The following PRKCE variants were observed in gnomAD, a reference collection of about 807,000 sequenced individuals.
PRKCE encodes protein kinase C epsilon type.
Under a neutral mutation model 85.4 loss-of-function variants are expected in PRKCE, and 16 were observed. That is an observed-to-expected ratio of 0.19 (90% CI 0.13 to 0.28). PRKCE has a LOEUF of 0.28. PRKCE is among the 10% of genes least tolerant of loss of function. The pLI is 1.00. For missense variants in PRKCE, 573 were observed against 975.2 expected (o/e 0.59, Z 5.49); for synonymous variants, 388 against 371.5 (o/e 1.04, Z -0.51).
At chr2:46,114,002 A>T (rs1234360275) in intron 11 of PRKCE, among the ~76,000 whole-genome samples, 1 of 152,056 alleles carries the variant, frequency 6.6e-6, no homozygotes, top group Non-Finnish European at 1.5e-5. Context: ...TATTTTTGTT[A>T]TCTGACTCTG....
At chr2:46,008,338 A>G (rs1458944298) in intron 9 of PRKCE, among the ~76,000 whole-genome samples, 1 of 152,184 alleles carries the variant, frequency 6.6e-6, no homozygotes, top group Non-Finnish European at 1.5e-5. Context: ...GTGATCAGCC[A>G]CCATTCCGAT....
intron 6 of PRKCE, among the ~76,000 whole-genome samples, chr2:45,992,956 G>A (rs922269094): frequency 3.3e-5 from 5 of 152,184 alleles, no homozygotes; most frequent in South Asian, 2.1e-4. Flanking sequence ...GTAGAAGAGC[G>A]CTTCTCTTTT....
At chr2:45,986,317 A>G (rs528646083) in intron 6 of PRKCE, among the ~76,000 whole-genome samples, 3 of 152,224 alleles carry the variant, frequency 2.0e-5, no homozygotes, top group South Asian at 2.1e-4. Flanking sequence ...ATAGAGGGAG[A>G]TGTTTTTTCA....
At position 45,931,611 on chromosome 2, in the gene PRKCE, C is replaced by G. The variant is rs562732424; in HGVS notation, c.413-44818C>G. Among the ~76,000 whole-genome samples, 5 of 152,316 alleles carry G rather than the reference C, an allele frequency of 3.3e-5. No homozygotes were observed. The South Asian group carries it at 1.0e-3, about 32-fold the overall frequency. ...GTTCCAAATGTTCTATAATTGAATA[C>G]TTTGTATGCAATGCTGCGTATGACT... On this transcript the variant is annotated intron_variant, in intron 2 of 14. Transcript: ENST00000306156.
At chr2:45,794,972 T>C (rs752936162) in intron 1 of PRKCE, among the ~76,000 whole-genome samples, 3 of 152,008 alleles carry the variant, frequency 2.0e-5, no homozygotes, top group African/African-American at 4.8e-5. Context: ...TCTGCTGTTG[T>C]TGGTTTGTTG....
At chr2:45,713,435 G>T (rs1679833802) in intron 1 of PRKCE, among the ~76,000 whole-genome samples, 1 of 152,110 alleles carries the variant, frequency 6.6e-6, no homozygotes. Flanking sequence ...TCTTCCTTCT[G>T]TGTTACTGAT....
intron 11 of PRKCE, among the ~76,000 whole-genome samples, chr2:46,089,493 C>T (rs1288208710): frequency 6.6e-6 from 1 of 152,194 alleles, no homozygotes; most frequent in Non-Finnish European, 1.5e-5. Context: ...GCCCACAATT[C>T]TTCTAAAACA....
chr2:46,152,480 C>G (rs1205204901), intron 13 of PRKCE, among the ~76,000 whole-genome samples: 1 of 152,054 alleles, frequency 6.6e-6, no homozygotes, highest in East Asian at 1.9e-4. Context: ...CTGCGCCCAG[C>G]CTGTATTTTA....
rs187120774 is a variant in PRKCE at position 45,937,237 on chromosome 2, T to A, written c.413-39192T>A. Among the ~76,000 whole-genome samples the A allele has an allele frequency of 9.8e-4, 149 of 152,324 alleles. 1 individual carries two copies. Among genetic ancestry groups the A allele is most frequent in the African/African-American group, 2.9e-3 (120 of 41,576 alleles). ...TTAAATAAAAAAAAATTGGGGAGAT[T>A]ATAGCAGAAGCTGTTGGTGTCCCGG... On this transcript the variant is annotated intron_variant, in intron 2 of 14. Coordinates refer to ENST00000306156, the MANE Select transcript of PRKCE (RefSeq NM_005400.3).
chr2:45,677,797 A>G, intron 1 of PRKCE: 1 of 974,642 alleles, frequency 1.0e-6, no homozygotes, highest in Non-Finnish European at 1.2e-6. Flanking sequence ...TTAAAAGGCA[A>G]TTGCTTTAGA....
chr2:45,767,237 C>T (rs79760886), intron 1 of PRKCE, among the ~76,000 whole-genome samples: 4,055 of 152,076 alleles, frequency 0.027, 181 homozygotes, highest in African/African-American at 0.094. Context: ...GGAATTAGCC[C>T]AACCCTCTAA....
At chr2:45,936,725 G>A (rs917122894) in intron 2 of PRKCE, among the ~76,000 whole-genome samples, 2 of 152,130 alleles carry the variant, frequency 1.3e-5, no homozygotes, top group South Asian at 2.1e-4. Flanking sequence ...ACAGTTAAGC[G>A]CCTTAAGGCC....
intron 11 of PRKCE, among the ~76,000 whole-genome samples, chr2:46,107,930 T>C (rs1251780887): frequency 6.6e-6 from 1 of 151,902 alleles, no homozygotes; most frequent in Non-Finnish European, 1.5e-5. Context: ...AGGGTTTTGT[T>C]TTTGTTTTTG....
chr2:46,082,859 A>G (rs921945984), intron 10 of PRKCE, among the ~76,000 whole-genome samples: 25 of 152,258 alleles, frequency 1.6e-4, no homozygotes, highest in African/African-American at 5.8e-4. Context: ...CTATAGCAAC[A>G]GTCATAGCCA....
chr2:45,652,546 G>A lies in PRKCE; in HGVS notation c.348+98G>A. ...TCGTAGGGCTCCGGGACTTATTGAC[G>A]ACTGGGGTGTGTGTGCCTGTAAGTC... On this transcript the variant is annotated intron_variant, in intron 1 of 14. Transcript: ENST00000306156. This position sits in a 1 kb window ranked among gnomAD's most constrained non-coding sequence, Gnocchi z 7.7. 3.4e-6 allele frequency: 4 copies of A among 1,170,222 alleles called. No individual in the cohort carries two copies. The highest frequency in any genetic ancestry group is 1.6e-5 in the South Asian group (1 of 63,854). 72.5% of individuals were successfully genotyped at this position (1,170,222 alleles called of 1,614,324 possible). A position where few individuals can be genotyped will look rare whatever the true frequency, so the allele number is the denominator to read the frequency against.
chr2:45,871,854 G>A (rs1013020037), intron 2 of PRKCE, among the ~76,000 whole-genome samples: 1 of 152,152 alleles, frequency 6.6e-6, no homozygotes, highest in Admixed American at 6.5e-5. Flanking sequence ...ACACTGCGGA[G>A]TTTGATGTCT....
chr2:45,850,491 G>T (rs1346827690), intron 2 of PRKCE, among the ~76,000 whole-genome samples: 1 of 152,112 alleles, frequency 6.6e-6, no homozygotes, highest in Non-Finnish European at 1.5e-5. Flanking sequence ...ATTTATTGTT[G>T]TTGATGTCTT....
intron 12 of PRKCE, among the ~76,000 whole-genome samples, chr2:46,146,313 A>G (rs1676066743): frequency 1.3e-5 from 2 of 152,388 alleles, no homozygotes; most frequent in South Asian, 4.1e-4. Flanking sequence ...GCGGATAGGT[A>G]TTAGCACATT....
chr2:45,666,669 A>G (rs1675926575), intron 1 of PRKCE, among the ~76,000 whole-genome samples: 1 of 152,016 alleles, frequency 6.6e-6, no homozygotes, highest in African/African-American at 2.4e-5. Flanking sequence ...AATTGCGGTA[A>G]CATTTACTGT....
Sources: allele counts gnomAD v4.1 joint callset (sites outside exome capture counted in the v4.1 genomes callset), GRCh38; gene constraint gnomAD v4.1.1; non-coding constraint Gnocchi (gnomAD v3.1); transcripts MANE v1.5; gene names NCBI Gene and HGNC (gene_info 2026-07-23, HGNC 2026-07-21).